SPMIP2: variants seen among roughly 807,000 people sequenced by gnomAD.
The protein encoded by SPMIP2 is sperm microtubule inner protein 2.
At chr4:159,018,075 G>A in the SPMIP2 span, among the ~76,000 whole-genome samples, 1 of 152,164 alleles carries the variant, frequency 6.6e-6, no homozygotes, top group South Asian at 2.1e-4. Context: ...CTCCAACACT[G>A]ATGAAGTGGG....
At chr4:158,973,249 G>T in the SPMIP2 span, 1 of 1,613,816 alleles carries the variant, frequency 6.2e-7, no homozygotes, top group Non-Finnish European at 8.5e-7. Flanking sequence ...GCCAGATGCT[G>T]TTCTCCTACA....
chr4:159,003,908 C>T, the SPMIP2 span, among the ~76,000 whole-genome samples: 2 of 152,200 alleles, frequency 1.3e-5, no homozygotes, highest in African/African-American at 4.8e-5. Context: ...CAAGAACATT[C>T]TAACCTCGAC....
chr4:158,925,980 G>A, the SPMIP2 span, among the ~76,000 whole-genome samples: 3 of 152,002 alleles, frequency 2.0e-5, no homozygotes, highest in South Asian at 4.2e-4. Context: ...CTTTTATAAA[G>A]GCACTCATCC....
At chr4:158,931,258 A>T in the SPMIP2 span, among the ~76,000 whole-genome samples, 1 of 152,010 alleles carries the variant, frequency 6.6e-6, no homozygotes, top group African/African-American at 2.4e-5. Context: ...CAACTCCAGA[A>T]TTTTATTTTT....
the SPMIP2 span, among the ~76,000 whole-genome samples, chr4:158,916,051 G>A: frequency 6.6e-6 from 1 of 152,198 alleles, no homozygotes; most frequent in South Asian, 2.1e-4. Context: ...GGACTGCAAA[G>A]TTCTCTTTCT....
the SPMIP2 span, among the ~76,000 whole-genome samples, chr4:158,999,186 A>C: frequency 1.0e-5 from 1 of 99,168 alleles, no homozygotes; most frequent in Non-Finnish European, 2.3e-5. Flanking sequence ...AAAAAACAAC[A>C]AAAAAAAACC....
chr4:158,941,956 C>T, the SPMIP2 span, among the ~76,000 whole-genome samples: 3 of 152,150 alleles, frequency 2.0e-5, no homozygotes, highest in South Asian at 6.2e-4. Context: ...TCATGTCTTA[C>T]CGAACAGCTG....
the SPMIP2 span, among the ~76,000 whole-genome samples, chr4:158,948,761 T>C: frequency 6.6e-6 from 1 of 152,016 alleles, no homozygotes; most frequent in Non-Finnish European, 1.5e-5. Flanking sequence ...TGCGCCACCA[T>C]GCCCAGCTAA....
At chr4:158,940,581 A>T in the SPMIP2 span, among the ~76,000 whole-genome samples, 2 of 130,164 alleles carry the variant, frequency 1.5e-5, no homozygotes, top group Non-Finnish European at 1.6e-5. Context: ...TTTTTAGCTG[A>T]ATAACCTTGA....
At chr4:158,959,513 T>C in the SPMIP2 span, among the ~76,000 whole-genome samples, 590 of 152,288 alleles carry the variant, frequency 3.9e-3, 2 homozygotes, top group African/African-American at 0.013. Context: ...ATGCAGTTTA[T>C]GTTGGTATAG....
the SPMIP2 span, among the ~76,000 whole-genome samples, chr4:158,937,170 C>CA: frequency 2.0e-5 from 3 of 152,162 alleles, no homozygotes; most frequent in African/African-American, 7.2e-5. Flanking sequence ...ATCTTGTTTG[C>CA]AAAACATTTC....
At chr4:159,056,819 C>G in the SPMIP2 span, among the ~76,000 whole-genome samples, 2 of 152,010 alleles carry the variant, frequency 1.3e-5, no homozygotes, top group Non-Finnish European at 2.9e-5. Flanking sequence ...AAGGCTGAAC[C>G]CAGATTAAGG....
At chr4:158,918,466 G>A in the SPMIP2 span, among the ~76,000 whole-genome samples, 2 of 152,210 alleles carry the variant, frequency 1.3e-5, no homozygotes, top group African/African-American at 2.4e-5. Context: ...ATATTAGCTT[G>A]ATTAATGATT....
the SPMIP2 span, among the ~76,000 whole-genome samples, chr4:158,968,092 C>T: frequency 1.2e-4 from 19 of 152,178 alleles, no homozygotes; most frequent in African/African-American, 4.1e-4. Context: ...CGCAGTGGCG[C>T]GATCTTAGCT....
chr4:158,993,366 C>T, the SPMIP2 span, among the ~76,000 whole-genome samples: 3 of 149,882 alleles, frequency 2.0e-5, no homozygotes, highest in African/African-American at 7.4e-5. Flanking sequence ...GATCCTGTCT[C>T]TAAAAAAAAG....
At chr4:159,056,987 C>T in the SPMIP2 span, among the ~76,000 whole-genome samples, 4 of 152,304 alleles carry the variant, frequency 2.6e-5, no homozygotes, top group South Asian at 4.1e-4. Context: ...TATTAGCACA[C>T]GGATGGGACT....
chr4:159,069,228 G>C, the SPMIP2 span, among the ~76,000 whole-genome samples: 2 of 152,158 alleles, frequency 1.3e-5, no homozygotes, highest in East Asian at 3.9e-4. Context: ...TCTTGAACCT[G>C]GGAGGCGAAG....
the SPMIP2 span, among the ~76,000 whole-genome samples, chr4:158,980,006 C>T: frequency 2.6e-5 from 4 of 152,138 alleles, no homozygotes; most frequent in Admixed American, 2.0e-4. Context: ...GACGCTCAAG[C>T]TTGGTTTGGT....
the SPMIP2 span, among the ~76,000 whole-genome samples, chr4:158,957,374 A>G: frequency 6.6e-6 from 1 of 151,720 alleles, no homozygotes; most frequent in Non-Finnish European, 1.5e-5. Flanking sequence ...ACTCTTTCCC[A>G]CCTCAGGGCC....
Sources: gnomAD v4.1 joint callset for allele counts (sites outside exome capture counted in the v4.1 genomes callset) on GRCh38, gnomAD v4.1.1 for gene constraint, MANE v1.5 for transcripts, NCBI Gene and HGNC (gene_info 2026-07-23, HGNC 2026-07-21) for gene names.